Variants in ZC3H3 observed in about 807,000 individuals in gnomAD.
ZC3H3 encodes zinc finger CCCH domain-containing protein 3.
ZC3H3 carries 36 observed loss-of-function variants against 77.3 expected under a neutral mutation model. The ratio of observed to expected loss-of-function variants is 0.47; its 90% CI spans 0.36 to 0.61. The LOEUF is 0.61. Among genes scored for constraint, ZC3H3 ranks in the 20% least tolerant of loss-of-function variants. The pLI, the probability that ZC3H3 is intolerant of heterozygous loss-of-function variation, is 0.00. For synonymous variants in ZC3H3, 626 were observed against 555.2 expected, an observed-to-expected ratio of 1.13 and a Z score of -1.79; for missense variants, 1,331 against 1,312.2, an observed-to-expected ratio of 1.01 and a Z score of -0.22.
At chr8:143,491,349 G>A (rs991072038) in intron 4 of ZC3H3, among the ~76,000 whole-genome samples, 1 of 152,228 alleles carries the variant, frequency 6.6e-6, no homozygotes, top group African/African-American at 2.4e-5. Flanking sequence ...ACGGAACCAC[G>A]CTGTGGCCTG....
At chr8:143,440,404 G>C in intron 10 of ZC3H3, 41 bp from the exon 11 acceptor site, 1 of 1,494,528 alleles carries the variant, frequency 6.7e-7, no homozygotes, top group Non-Finnish European at 8.9e-7. Flanking sequence ...GTGGGGTGAC[G>C]GGTGGGGATC....
chr8:143,507,952 A>T (rs1821757730), intron 3 of ZC3H3, 53 bp from the exon 4 acceptor site: 1 of 1,490,498 alleles, frequency 6.7e-7, no homozygotes, highest in Admixed American at 2.0e-5. Context: ...CGGCAAGGGT[A>T]GGGTCAGAGA....
intron 9 of ZC3H3, among the ~76,000 whole-genome samples, chr8:143,454,273 T>C (rs1000746205): frequency 3.3e-5 from 5 of 150,212 alleles, no homozygotes; most frequent in Non-Finnish European, 5.9e-5. Context: ...GTAACTTTAG[T>C]AGAGACAGGG....
chr8:143,516,544 C>CAT (rs1175771191), intron 3 of ZC3H3, among the ~76,000 whole-genome samples: 2 of 142,012 alleles, frequency 1.4e-5, no homozygotes, highest in Non-Finnish European at 3.0e-5. Flanking sequence ...CACACACACA[C>CAT]ACACACACAC....
At chr8:143,490,899 T>C (rs1821182431) in intron 4 of ZC3H3, among the ~76,000 whole-genome samples, 1 of 149,174 alleles carries the variant, frequency 6.7e-6, no homozygotes, top group African/African-American at 2.4e-5. Context: ...AAAGCAAGAC[T>C]CCGTCTCAAA....
chr8:143,483,950 C>T (rs1046407677), intron 4 of ZC3H3, among the ~76,000 whole-genome samples: 4 of 152,222 alleles, frequency 2.6e-5, no homozygotes, highest in Non-Finnish European at 4.4e-5. Context: ...CTGCAGAGAC[C>T]GTCCAGCCGC....
chr8:143,522,221 G>A (rs1055255021), intron 3 of ZC3H3, among the ~76,000 whole-genome samples: 3 of 152,152 alleles, frequency 2.0e-5, no homozygotes, highest in African/African-American at 7.2e-5. Context: ...CCTTTACATG[G>A]GCCACACACA....
rs374766520 is a variant in ZC3H3, at chr8:143,482,916, C to T, written c.1716-7331G>A. 3.1e-4 allele frequency among the ~76,000 whole-genome samples: 47 copies of T among 152,290 alleles called. No individual in the cohort carries two copies. The East Asian group carries it at 4.6e-3, about 15-fold the overall frequency. On this transcript the variant is annotated intron_variant, in intron 4 of 11. Transcript: ENST00000262577. ...GACCACAGGAGCAGGTACCGGGCCA[C>T]GGGGACACGACCTCAGGGCCTTCTA...
chr8:143,522,839 CA>C (rs1458006221), intron 3 of ZC3H3, among the ~76,000 whole-genome samples: 1 of 152,146 alleles, frequency 6.6e-6, no homozygotes, highest in Non-Finnish European at 1.5e-5. Context: ...CTGGGAGGAT[CA>C]CTTGAGCCTG....
intron 11 of ZC3H3, 71 bp from the exon 12 acceptor site, chr8:143,438,158 G>T: frequency 6.4e-7 from 1 of 1,558,834 alleles, no homozygotes; most frequent in Non-Finnish European, 8.7e-7. Context: ...CAAAGCTCCT[G>T]ATCGGGCTCA....
rs1329743233 is a variant in ZC3H3 at position 143,470,128 on chromosome 8, CCCCCCA to C, written c.1904-1475_1904-1470del. On this transcript the variant is annotated intron_variant, in intron 5 of 11. Coordinates refer to ENST00000262577, the MANE Select transcript of ZC3H3 (RefSeq NM_015117.3). ...TCCCTCGCACCCCCAGGCTGGAGCCCCCCCCACTCCTCGCTTTGTGCTTTGCGTCCA... is the reference window on the plus strand; with the variant it reads ...TCCCTCGCACCCCCAGGCTGGAGCCCCTCCTCGCTTTGTGCTTTGCGTCCA... Among the ~76,000 whole-genome samples the C allele has an allele frequency of 9.2e-5, 14 of 152,312 alleles. No individual in the cohort carries two copies. In the South Asian group the frequency reaches 2.3e-3, roughly 25 times the overall value.
At chr8:143,476,200 T>A (rs1481121660) in intron 4 of ZC3H3, among the ~76,000 whole-genome samples, 1 of 152,138 alleles carries the variant, frequency 6.6e-6, no homozygotes, top group Non-Finnish European at 1.5e-5. Flanking sequence ...CTTCTCCTCC[T>A]CCACCCTGTC....
At chr8:143,505,314 T>A (rs1198973244) in intron 4 of ZC3H3, among the ~76,000 whole-genome samples, 1 of 152,216 alleles carries the variant, frequency 6.6e-6, no homozygotes, top group Admixed American at 6.5e-5. Context: ...TCCAGCCACA[T>A]GCAGGCAGCC....
At chr8:143,526,447 A>G (rs996630545) in intron 3 of ZC3H3, among the ~76,000 whole-genome samples, 3 of 152,206 alleles carry the variant, frequency 2.0e-5, no homozygotes, top group African/African-American at 7.2e-5. Context: ...TCAGGGAACC[A>G]GGACTTCCTT....
At chr8:143,536,202 A>G in intron 3 of ZC3H3, 55 bp downstream of exon 3, 1 of 1,555,184 alleles carries the variant, frequency 6.4e-7, no homozygotes, top group African/African-American at 1.4e-5. Context: ...ACACGCCAGC[A>G]TATCCCATCA....
rs998741592 is a variant in ZC3H3, at chr8:143,533,322, C to G, written c.1561+2935G>C. 4.1e-4 allele frequency among the ~76,000 whole-genome samples: 62 copies of G among 152,300 alleles called. No homozygotes were observed. The highest frequency in any genetic ancestry group is 1.4e-3 in the African/African-American group (59 of 41,558). On this transcript the variant is annotated intron_variant, in intron 3 of 11. Transcript: ENST00000262577. This position sits in a 1 kb window ranked among gnomAD's most constrained non-coding sequence, Gnocchi z 4.0. ...CTCGGCCTCAGAGCTGAGCCCTATT[C>G]GCTCCTCTCTGCTCAGGTCACCTCC...
chr8:143,450,704 A>T (rs1028233101), intron 9 of ZC3H3, among the ~76,000 whole-genome samples: 5 of 152,198 alleles, frequency 3.3e-5, no homozygotes, highest in African/African-American at 1.2e-4. Context: ...TTAAACAGCC[A>T]GATCTTGTGA....
chr8:143,527,945 G>A (rs1323171234), intron 3 of ZC3H3, among the ~76,000 whole-genome samples: 2 of 151,800 alleles, frequency 1.3e-5, no homozygotes, highest in Non-Finnish European at 1.5e-5. Flanking sequence ...GCCAGGCCAC[G>A]CCCACACCAC....
chr8:143,472,718 G>A (rs576883466), intron 5 of ZC3H3, among the ~76,000 whole-genome samples: 23 of 152,348 alleles, frequency 1.5e-4, no homozygotes, highest in African/African-American at 5.3e-4. Context: ...GGATCCCGGC[G>A]AGGGCTGAGA....
Sources: gnomAD v4.1 joint callset for allele counts (sites outside exome capture counted in the v4.1 genomes callset) on GRCh38, gnomAD v4.1.1 for gene constraint, Gnocchi (gnomAD v3.1) non-coding constraint, MANE v1.5 for transcripts, NCBI Gene and HGNC (gene_info 2026-07-23, HGNC 2026-07-21) for gene names.